LRIG1: variants seen among roughly 807,000 people sequenced by gnomAD.
The protein encoded by LRIG1 is leucine rich repeats and immunoglobulin like domains 1.
Under a neutral mutation model 99.2 loss-of-function variants are expected in LRIG1, and 48 were observed. The observed-to-expected ratio is 0.48, with a 90% confidence interval of 0.38 to 0.62. LRIG1 has a LOEUF of 0.62. Among genes scored for constraint, LRIG1 ranks in the 20% least tolerant of loss-of-function variants. The probability of loss-of-function intolerance (pLI) is 0.00; values close to 1 mark genes in which losing one functional copy is unlikely to be tolerated. For synonymous variants in LRIG1, 772 were observed against 596.1 expected (o/e 1.29, Z -4.30); for missense variants, 1,646 against 1,434.4 (o/e 1.15, Z -2.38).
chr3:66,467,864 C>G (rs1030719404), intron 1 of LRIG1, among the ~76,000 whole-genome samples: 2 of 152,192 alleles, frequency 1.3e-5, no homozygotes, highest in African/African-American at 4.8e-5. Flanking sequence ...ACAGAAGCAA[C>G]TTGAATCTAA....
intron 3 of LRIG1, among the ~76,000 whole-genome samples, chr3:66,442,781 C>T (rs1241503819): frequency 6.6e-6 from 1 of 152,102 alleles, no homozygotes; most frequent in Non-Finnish European, 1.5e-5. Flanking sequence ...GAAAAAAGCC[C>T]TACGCTCAAC....
chr3:66,480,778 T>G (rs1700831693), intron 1 of LRIG1, among the ~76,000 whole-genome samples: 1 of 152,148 alleles, frequency 6.6e-6, no homozygotes, highest in South Asian at 2.1e-4. Context: ...TTTTCTTCCT[T>G]TGAGAAATTA....
chr3:66,428,508 T>C (rs566301352), intron 3 of LRIG1, among the ~76,000 whole-genome samples: 2 of 152,260 alleles, frequency 1.3e-5, no homozygotes, highest in South Asian at 2.1e-4. Flanking sequence ...AGTCTCAAAA[T>C]TGGCAAGAAA....
chr3:66,391,205 T>C (rs1373790306), intron 12 of LRIG1, among the ~76,000 whole-genome samples: 1 of 152,170 alleles, frequency 6.6e-6, no homozygotes, highest in Non-Finnish European at 1.5e-5. Context: ...TCTCATGCAT[T>C]GGTGATGGGC....
intron 1 of LRIG1, among the ~76,000 whole-genome samples, chr3:66,497,552 G>T (rs1239087583): frequency 6.6e-6 from 1 of 151,972 alleles, no homozygotes; most frequent in Non-Finnish European, 1.5e-5. Flanking sequence ...AAGTTATTGT[G>T]CTGAAAAGTT....
chr3:66,454,661 C>T (rs760622542), intron 2 of LRIG1, among the ~76,000 whole-genome samples: 1 of 152,106 alleles, frequency 6.6e-6, no homozygotes, highest in Non-Finnish European at 1.5e-5. Flanking sequence ...CCATGAATCA[C>T]GGCCAGACCC....
intron 3 of LRIG1, among the ~76,000 whole-genome samples, chr3:66,418,655 T>C (rs1461806768): frequency 6.6e-6 from 1 of 152,228 alleles, no homozygotes; most frequent in Non-Finnish European, 1.5e-5. Flanking sequence ...TCAGCATCTC[T>C]GGCCAATCAA....
chr3:66,500,345 GAGA>G lies in LRIG1; in HGVS notation c.60_62del (p.Leu21del). On this transcript the variant is annotated inframe_deletion, in exon 1 of 19. Transcript: ENST00000273261. ...GCTCCAGCCGAAGCAAAAGCAGCCA[GAGA>G]AGGAGAAGGCAAGGCGAGCGGCGCG... 1 of 1,494,902 alleles carries G rather than the reference GAGA, an allele frequency of 6.7e-7. No homozygotes were observed. Among genetic ancestry groups the G allele is most frequent in the African/African-American group, 1.4e-5 (1 of 69,734 alleles). 92.6% of individuals were successfully genotyped at this position (1,494,902 alleles called of 1,614,324 possible).
chr3:66,482,769 A>G (rs1180048028), intron 1 of LRIG1, among the ~76,000 whole-genome samples: 1 of 152,236 alleles, frequency 6.6e-6, no homozygotes, highest in South Asian at 2.1e-4. Flanking sequence ...AAGTTGTGTA[A>G]TAATTTATTA....
intron 3 of LRIG1, among the ~76,000 whole-genome samples, chr3:66,444,149 C>T (rs987600073): frequency 4.6e-5 from 7 of 152,184 alleles, no homozygotes; most frequent in Non-Finnish European, 7.3e-5. Context: ...GTAAGCAGAG[C>T]TGCCAGCACC....
At chr3:66,389,518 A>G (rs1463270026) in intron 12 of LRIG1, among the ~76,000 whole-genome samples, 2 of 152,202 alleles carry the variant, frequency 1.3e-5, no homozygotes, top group Non-Finnish European at 2.9e-5. Flanking sequence ...AAAGAGAACT[A>G]AAGTGTCCAT....
chr3:66,485,474 G>A (rs1033765869), intron 1 of LRIG1, among the ~76,000 whole-genome samples: 3 of 152,178 alleles, frequency 2.0e-5, no homozygotes, highest in Non-Finnish European at 4.4e-5. Context: ...GGTTACACAA[G>A]GCTGGACCAT....
At chr3:66,456,809 C>T (rs1282407506) in intron 2 of LRIG1, among the ~76,000 whole-genome samples, 2 of 152,148 alleles carry the variant, frequency 1.3e-5, no homozygotes, top group African/African-American at 2.4e-5. Flanking sequence ...GGCAAGCACA[C>T]GGCAACACCC....
chr3:66,407,385 C>G lies in LRIG1; in HGVS notation c.1042G>C (p.Glu348Gln), dbSNP rs775562425. The G allele has an allele frequency of 6.2e-7, 1 of 1,614,140 alleles. No homozygotes were observed. Among genetic ancestry groups the G allele is most frequent in the South Asian group, 1.1e-5 (1 of 91,080 alleles). ...CTCCTGAGTCCCTTGAAGGCACCCT[C>G]CGCAATGTGGCTGATGGAATTGTGG... The part of the protein sequence containing the change: ...LSHNSISHIA[E>Q]GAFKGLRSLR... Residue 348 changes from glutamate (E) to glutamine (Q), a missense_variant, in exon 8 of 19, where the codon GAG (glutamate) becomes CAG (glutamine). Glu to Gln is a conservative substitution (Grantham distance 29). Coordinates refer to ENST00000273261, the MANE Select transcript of LRIG1 (RefSeq NM_015541.3).
chr3:66,445,343 AT>A (rs546451510), intron 3 of LRIG1, among the ~76,000 whole-genome samples: 32 of 152,230 alleles, frequency 2.1e-4, no homozygotes, highest in African/African-American at 7.2e-4. Context: ...GTAAAGCTAA[AT>A]CAGGTTGCTA....
intron 9 of LRIG1, chr3:66,401,696 A>G (rs536199113): frequency 6.6e-7 from 1 of 1,518,556 alleles, no homozygotes; most frequent in African/African-American, 1.4e-5. Flanking sequence ...GCCAGGAGAA[A>G]GGAGAGGCGG....
At chr3:66,448,536 G>C (rs1703797756) in intron 3 of LRIG1, among the ~76,000 whole-genome samples, 2 of 141,358 alleles carry the variant, frequency 1.4e-5, no homozygotes, top group Admixed American at 7.1e-5. Context: ...GAATACACAA[G>C]CTTCGAGGGT....
At chr3:66,434,803 G>A (rs1703296883) in intron 3 of LRIG1, among the ~76,000 whole-genome samples, 1 of 150,682 alleles carries the variant, frequency 6.6e-6, no homozygotes, top group Non-Finnish European at 1.5e-5. Flanking sequence ...CCATAATGTG[G>A]AGAAACGGAA....
Position 66,382,302 on chromosome 3 carries a change from G to C in LRIG1, c.2588C>G (p.Pro863Arg). The change falls in exon 16 of 19, where the codon CCT (proline) becomes CGT (arginine). Residue 863 changes from proline to arginine, a missense_variant. Coordinates refer to ENST00000273261, the MANE Select transcript of LRIG1 (RefSeq NM_015541.3). ...QETVVRTEGGPQANGHIESNG... is the reference protein window; with the variant it reads ...QETVVRTEGGRQANGHIESNG... ...GCTCTCAATGTGCCCATTGGCCTGA[G>C]GGCCACCCTCGGTCCTGACCACGGT... is the stretch of plus-strand genomic sequence containing the variant. 6.2e-7 allele frequency: 1 copy of C among 1,614,172 alleles called. No homozygotes were observed. Among genetic ancestry groups the C allele is most frequent in the Non-Finnish European group, 8.5e-7 (1 of 1,180,000 alleles).
Sources: gnomAD v4.1 joint callset for allele counts (sites outside exome capture counted in the v4.1 genomes callset) on GRCh38, gnomAD v4.1.1 for gene constraint, MANE v1.5 for transcripts, NCBI Gene and HGNC (gene_info 2026-07-23, HGNC 2026-07-21) for gene names.